The following PEAK1 variants were observed in gnomAD, a reference collection of about 807,000 sequenced individuals.
PEAK1 encodes the protein inactive tyrosine-protein kinase PEAK1.
In PEAK1, 54 loss-of-function variants were observed where a neutral mutation model predicts 124.7. That is an observed-to-expected ratio of 0.43 (90% CI 0.35 to 0.54). The LOEUF (loss-of-function observed/expected upper bound fraction) is 0.54. PEAK1 is among the 20% of genes least tolerant of loss of function. The pLI, the probability that PEAK1 is intolerant of heterozygous loss-of-function variation, is 0.01. For missense variants in PEAK1, 2,046 were observed against 2,134.5 expected (o/e 0.96, Z 0.82); for synonymous variants, 719 against 760.0 (o/e 0.95, Z 0.89).
At chr15:77,226,832 T>C (rs953201662) in intron 6 of PEAK1, among the ~76,000 whole-genome samples, 3 of 152,132 alleles carry the variant, frequency 2.0e-5, no homozygotes, top group African/African-American at 7.2e-5. Flanking sequence ...TTATAACGTA[T>C]TACCACCCCT....
intron 6 of PEAK1, among the ~76,000 whole-genome samples, chr15:77,225,911 C>T (rs2059623091): frequency 6.9e-6 from 1 of 145,832 alleles, no homozygotes; most frequent in South Asian, 2.1e-4. Context: ...TTGTTAAATG[C>T]TAGGCAAAGT....
chr15:77,146,374 T>C (rs1249380608), intron 8 of PEAK1, among the ~76,000 whole-genome samples: 1 of 152,178 alleles, frequency 6.6e-6, no homozygotes, highest in Non-Finnish European at 1.5e-5. Context: ...AAACTTTGGG[T>C]TTAGCCTCAA....
chr15:77,127,850 C>T (rs747763173), intron 9 of PEAK1, among the ~76,000 whole-genome samples: 17 of 151,938 alleles, frequency 1.1e-4, no homozygotes, highest in South Asian at 2.1e-4. Flanking sequence ...GAGGCTGAGG[C>T]GGGTGGATCA....
At chr15:77,390,648 C>T (rs1304079871) in intron 1 of PEAK1, among the ~76,000 whole-genome samples, 6 of 152,200 alleles carry the variant, frequency 3.9e-5, no homozygotes, top group African/African-American at 1.4e-4. Context: ...ATTTACTGAA[C>T]ATTGGTACTA....
intron 1 of PEAK1, among the ~76,000 whole-genome samples, chr15:77,384,951 A>C (rs746842418): frequency 6.6e-6 from 1 of 152,104 alleles, no homozygotes; most frequent in Non-Finnish European, 1.5e-5. Context: ...AAATCCCCTC[A>C]CCACTGTCTT....
rs140622972 is a variant in PEAK1, at chr15:77,381,650, A to C, written c.-665-16425T>G. On this transcript the variant is annotated intron_variant, in intron 1 of 9. Transcript: ENST00000682557. ...GAAAATCATCCTTTTCAATTACAACACTCTACTCTCCCAACATTTTCTCCA... is the reference window on the plus strand; with the variant it reads ...GAAAATCATCCTTTTCAATTACAACCCTCTACTCTCCCAACATTTTCTCCA... Among the ~76,000 whole-genome samples, 193 of 151,988 alleles carry C rather than the reference A, an allele frequency of 1.3e-3. 2 individuals are homozygous for C. The highest frequency in any genetic ancestry group is 4.2e-3 in the African/African-American group (173 of 41,438).
intron 6 of PEAK1, among the ~76,000 whole-genome samples, chr15:77,229,316 G>C (rs1360818072): frequency 1.3e-5 from 2 of 152,182 alleles, no homozygotes; most frequent in African/African-American, 4.8e-5. Flanking sequence ...ACACAATGAA[G>C]ATTTTCTGCA....
At chr15:77,146,986 G>A (rs1366975236) in intron 8 of PEAK1, among the ~76,000 whole-genome samples, 2 of 152,206 alleles carry the variant, frequency 1.3e-5, no homozygotes, top group Non-Finnish European at 2.9e-5. Context: ...TCTGGAGACA[G>A]AAGACTTATG....
At position 77,181,835 on chromosome 15, in the gene PEAK1, G is replaced by A; in HGVS notation, c.92C>T (p.Pro31Leu). 6.2e-7 allele frequency: 1 copy of A among 1,613,702 alleles called. No homozygotes were observed. The highest frequency in any genetic ancestry group is 1.3e-5 in the African/African-American group (1 of 75,024). Reference sequence around the variant, plus strand: ...GGTGATGGGTGCCTTCTCAGGGTCTGGGGGAAGCTGGTGCAAACTTTTAGG... The same window carrying A: ...GGTGATGGGTGCCTTCTCAGGGTCTAGGGGAAGCTGGTGCAAACTTTTAGG... ...FKPKSLHQLP[P>L]DPEKAPITHG... The change falls in exon 7 of 10, where the codon CCA becomes CTA. Residue 31 changes from proline (P) to leucine (L), a missense_variant. Physicochemically the swap from Pro to Leu is moderately conservative, Grantham distance 98. Coordinates refer to ENST00000682557, the MANE Select transcript of PEAK1 (RefSeq NM_001385026.1).
At chr15:77,226,044 G>GATATATATAATAAAT (rs57675196) in intron 6 of PEAK1, among the ~76,000 whole-genome samples, 3 of 44,988 alleles carry the variant, frequency 6.7e-5, no homozygotes. Flanking sequence ...AAAATAAAGG[G>GATATATATAATAAAT]ATATATATAT....
At chr15:77,202,040 T>C (rs577441395) in intron 6 of PEAK1, among the ~76,000 whole-genome samples, 23 of 152,300 alleles carry the variant, frequency 1.5e-4, no homozygotes, top group Middle Eastern at 3.4e-3. Flanking sequence ...AGGCTAAGCT[T>C]TAATATTAAA....
At chr15:77,162,849 C>A (rs1248971012) in intron 7 of PEAK1, among the ~76,000 whole-genome samples, 1 of 152,116 alleles carries the variant, frequency 6.6e-6, no homozygotes, top group Non-Finnish European at 1.5e-5. Flanking sequence ...TACAAGAAAT[C>A]TGTGAGAATT....
intron 1 of PEAK1, chr15:77,417,521 C>T (rs2072985553): frequency 2.0e-6 from 2 of 984,768 alleles, no homozygotes; most frequent in South Asian, 4.7e-5. Context: ...GACAGAATAA[C>T]GCTCATCACA....
intron 8 of PEAK1, among the ~76,000 whole-genome samples, chr15:77,140,189 T>C (rs961308119): frequency 6.6e-6 from 1 of 152,180 alleles, no homozygotes; most frequent in Non-Finnish European, 1.5e-5. Flanking sequence ...TACCAATCCT[T>C]TGAAAACTTT....
chr15:77,150,377 A>T (rs2054504011), intron 8 of PEAK1, among the ~76,000 whole-genome samples: 1 of 152,152 alleles, frequency 6.6e-6, no homozygotes, highest in Non-Finnish European at 1.5e-5. Flanking sequence ...TGGGGATAAT[A>T]ACTCTTAGGA....
chr15:77,369,956 A>G (rs1241576405), intron 1 of PEAK1, among the ~76,000 whole-genome samples: 1 of 152,212 alleles, frequency 6.6e-6, no homozygotes, highest in Non-Finnish European at 1.5e-5. Flanking sequence ...CACAGTAAGT[A>G]CACTCTCCTC....
intron 7 of PEAK1, among the ~76,000 whole-genome samples, chr15:77,168,826 T>C (rs1249431975): frequency 6.6e-6 from 1 of 152,174 alleles, no homozygotes; most frequent in Non-Finnish European, 1.5e-5. Flanking sequence ...TTGGACAGAA[T>C]CCCAGCTGTG....
intron 2 of PEAK1, chr15:77,350,338 A>G: frequency 3.0e-6 from 3 of 985,408 alleles, no homozygotes; most frequent in Non-Finnish European, 3.6e-6. Context: ...TCATGGCCAG[A>G]GAGTATCATC....
At chr15:77,322,725 T>C (rs1484008214) in intron 2 of PEAK1, among the ~76,000 whole-genome samples, 1 of 152,194 alleles carries the variant, frequency 6.6e-6, no homozygotes, top group Non-Finnish European at 1.5e-5. Context: ...TACCATTCCT[T>C]CTGAAACTAT....
Sources: gnomAD v4.1 joint callset for allele counts (sites outside exome capture counted in the v4.1 genomes callset) on GRCh38, gnomAD v4.1.1 for gene constraint, MANE v1.5 for transcripts, NCBI Gene and HGNC (gene_info 2026-07-23, HGNC 2026-07-21) for gene names.